Variants in DSC2 observed in about 807,000 individuals in gnomAD.
DSC2 encodes desmocollin-2.
DSC2 carries 51 observed loss-of-function variants against 87.6 expected under a neutral mutation model. The ratio of observed to expected loss-of-function variants is 0.58; its 90% CI spans 0.46 to 0.74. The LOEUF (loss-of-function observed/expected upper bound fraction) is 0.74, where lower values mean the gene tolerates loss of function less well. Among genes scored for constraint, DSC2 ranks in the 30% least tolerant of loss-of-function variants. DSC2 has a pLI of 0.00. For missense variants in DSC2, 1,066 were observed against 1,089.5 expected (o/e 0.98, Z 0.30); for synonymous variants, 383 against 393.2 (o/e 0.97, Z 0.31).
intron 1 of DSC2, among the ~76,000 whole-genome samples, chr18:31,099,006 A>AG (rs1342965330): frequency 6.6e-6 from 1 of 152,202 alleles, no homozygotes; most frequent in African/African-American, 2.4e-5. Context: ...CTTGAGGAAC[A>AG]GGCATATGGT....
At chr18:31,092,070 A>G in intron 3 of DSC2, 31 bp downstream of exon 3, 1 of 1,582,764 alleles carries the variant, frequency 6.3e-7, no homozygotes, top group Non-Finnish European at 8.7e-7. Context: ...AAGAAAAGAT[A>G]TCATTTCTTC....
In DSC2 at chr18:31,067,208, C is replaced by A. The variant is rs1466320446; in HGVS notation, c.*807G>T. 6 of 137,806 alleles carry A rather than the reference C, an allele frequency of 4.4e-5. No homozygotes were observed. Among genetic ancestry groups the A allele is most frequent in the African/African-American group, 8.0e-5 (3 of 37,366 alleles). 8.5% of individuals were successfully genotyped at this position (137,806 alleles called of 1,614,324 possible). A position where few individuals can be genotyped will look rare whatever the true frequency, so the allele number is the denominator to read the frequency against. On this transcript the variant is annotated 3_prime_UTR_variant, in exon 16 of 16. Transcript: ENST00000280904. ...ACTTTATGAGAGAAGAAAAGAGAGACAGATTTTTAAAATATTTGGATTCTT... is the reference window on the plus strand; with the variant it reads ...ACTTTATGAGAGAAGAAAAGAGAGAAAGATTTTTAAAATATTTGGATTCTT...
rs1163887795 is a variant in DSC2, at chr18:31,060,957, T to A, written c.*7058A>T. The A allele has an allele frequency of 6.6e-6, 1 of 152,198 alleles. No individual in the cohort carries two copies. The highest frequency in any genetic ancestry group is 1.5e-5 in the Non-Finnish European group (1 of 68,032). The allele number at this position is 152,198 out of a possible 1,614,324, so 9.4% of individuals were successfully genotyped here. ...AAAAGGCAAATTTTAAATACTTAAG[T>A]TTCATAAACCACCAAATAATCAATA... is the stretch of plus-strand genomic sequence containing the variant. On this transcript the variant is annotated 3_prime_UTR_variant, in exon 16 of 16. Coordinates refer to ENST00000280904, the MANE Select transcript of DSC2 (RefSeq NM_024422.6).
chr18:31,091,673 C>CA (rs1987604004), intron 3 of DSC2: 1 of 453,710 alleles, frequency 2.2e-6, no homozygotes, highest in African/African-American at 2.0e-5. Flanking sequence ...TGTCACAACA[C>CA]AATAGCATGC....
intron 11 of DSC2, among the ~76,000 whole-genome samples, chr18:31,076,798 C>T (rs1417181737): frequency 6.6e-6 from 1 of 152,120 alleles, no homozygotes; most frequent in South Asian, 2.1e-4. Flanking sequence ...ACACATTGTA[C>T]TAACACTGTA....
chr18:31,076,003 C>G (rs1055959719), intron 11 of DSC2, among the ~76,000 whole-genome samples: 2 of 152,148 alleles, frequency 1.3e-5, no homozygotes, highest in East Asian at 1.9e-4. Flanking sequence ...GTTGTGAAGT[C>G]TGAAACTGAA....
At chr18:31,068,646 A>G (rs1165556047) in intron 15 of DSC2, among the ~76,000 whole-genome samples, 1 of 152,244 alleles carries the variant, frequency 6.6e-6, no homozygotes, top group Non-Finnish European at 1.5e-5. Context: ...GCACAAAGCC[A>G]TGAGACAGTA....
chr18:31,096,511 A>G (rs899347502), intron 1 of DSC2, among the ~76,000 whole-genome samples: 1 of 152,196 alleles, frequency 6.6e-6, no homozygotes, highest in Non-Finnish European at 1.5e-5. Flanking sequence ...TTGAGCCACA[A>G]GTAAACTGGC....
chr18:31,092,380 G>T, intron 2 of DSC2, 80 bp from the exon 3 acceptor site: 1 of 1,281,752 alleles, frequency 7.8e-7, no homozygotes. Flanking sequence ...CACGTGGGGA[G>T]AGCCAAAAAC....
At position 31,086,613 on chromosome 18, in the gene DSC2, C is replaced by T; in HGVS notation, c.905G>A (p.Gly302Asp). 1 of 1,614,104 alleles carries T rather than the reference C, an allele frequency of 6.2e-7. No individual in the cohort carries two copies. Among genetic ancestry groups the T allele is most frequent in the Non-Finnish European group, 8.5e-7 (1 of 1,180,002 alleles). Residue 302 changes from glycine (G) to aspartate (D), a missense_variant, in exon 7 of 16, where the codon GGC becomes GAC. By Grantham distance (94) the Gly-to-Asp change is moderately conservative. Transcript: ENST00000280904. ...CTGAGATGATGTTGTGGTGATCACG[C>T]CTGTAGTTGGATGCATAGAAAATAG... The part of the protein sequence containing the change: ...PTLFSMHPTT[G>D]VITTTSSQLD...
intron 4 of DSC2, among the ~76,000 whole-genome samples, chr18:31,090,722 A>G (rs2144842103): frequency 6.6e-6 from 1 of 152,266 alleles, no homozygotes; most frequent in African/African-American, 2.4e-5. Flanking sequence ...TTTCTCCTTT[A>G]TTATGCAAGA....
intron 11 of DSC2, among the ~76,000 whole-genome samples, chr18:31,078,903 C>T (rs1987108804): frequency 1.3e-5 from 2 of 152,100 alleles, no homozygotes; most frequent in Non-Finnish European, 2.9e-5. Flanking sequence ...TCATCATACT[C>T]ATATTTCTCT....
rs1223425610 is a variant in DSC2, at chr18:31,089,669, T to A, written c.475-75A>T. The A allele has an allele frequency of 2.1e-6, 3 of 1,410,810 alleles. No homozygotes were observed. The East Asian group carries it at 7.4e-5, about 35-fold the overall frequency. 87.4% of individuals were successfully genotyped at this position (1,410,810 alleles called of 1,614,324 possible). On this transcript the variant is annotated intron_variant, in intron 4 of 15. Coordinates refer to ENST00000280904, the MANE Select transcript of DSC2 (RefSeq NM_024422.6). The stretch of plus-strand genomic sequence containing the variant: ...CTTTCATCTATATATTTATGAAATC[T>A]CATTGCCATTTTATTAGTTTAAATA...
At chr18:31,080,932 G>A (rs977673345) in intron 9 of DSC2, among the ~76,000 whole-genome samples, 6 of 151,102 alleles carry the variant, frequency 4.0e-5, no homozygotes, top group Non-Finnish European at 8.9e-5. Context: ...CTTGGGTAAA[G>A]CTGGAAAAAA....
intron 15 of DSC2, chr18:31,068,420 G>A: frequency 6.9e-7 from 1 of 1,451,508 alleles, no homozygotes; most frequent in Admixed American, 1.7e-5. Context: ...GTTTCTAAAA[G>A]TCACGCATGT....
At chr18:31,074,079 G>A (rs866413239) in intron 12 of DSC2, among the ~76,000 whole-genome samples, 4 of 152,198 alleles carry the variant, frequency 2.6e-5, no homozygotes, top group Non-Finnish European at 5.9e-5. Context: ...AGAGAGAATA[G>A]GGGATCGATT....
intron 2 of DSC2, 54 bp downstream of exon 2, chr18:31,093,505 C>T (rs1233008361): frequency 5.8e-6 from 8 of 1,370,404 alleles, no homozygotes; most frequent in Middle Eastern, 1.9e-4. Context: ...TATTCCATGG[C>T]GTATATGTAC....
At position 31,070,803 on chromosome 18, in the gene DSC2, G is replaced by T; in HGVS notation, c.2173C>A (p.Pro725Thr). The change falls in exon 14 of 16, where the codon CCA becomes ACA. Residue 725 changes from proline (P) to threonine (T), a missense_variant. Coordinates refer to ENST00000280904, the MANE Select transcript of DSC2 (RefSeq NM_024422.6). ...GCTAAATCATCAGGAATTACTTTTGGTTGTTTAGACGTCCCAGAAGCCCCA... is the reference window on the plus strand; with the variant it reads ...GCTAAATCATCAGGAATTACTTTTGTTTGTTTAGACGTCCCAGAAGCCCCA... The part of the protein sequence containing the change: ...VCGASGTSKQ[P>T]KVIPDDLAQQ... 6.2e-7 allele frequency: 1 copy of T among 1,613,934 alleles called. No individual in the cohort carries two copies. The highest frequency in any genetic ancestry group is 1.1e-5 in the South Asian group (1 of 91,080).
rs1986546096 is a variant in DSC2, at chr18:31,063,643, T to C, written c.*4372A>G. The C allele has an allele frequency of 6.6e-6, 1 of 152,142 alleles. No homozygotes were observed. Among genetic ancestry groups the C allele is most frequent in the South Asian group, 2.1e-4 (1 of 4,826 alleles). 9.4% of individuals were successfully genotyped at this position (152,142 alleles called of 1,614,324 possible). A position where few individuals can be genotyped will look rare whatever the true frequency, so the allele number is the denominator to read the frequency against. On this transcript the variant is annotated 3_prime_UTR_variant, in exon 16 of 16. Coordinates refer to ENST00000280904, the MANE Select transcript of DSC2 (RefSeq NM_024422.6). ...AGATTGGGGAAATTAGTACAGAAGG[T>C]CCTCAACTTAAGATGGCTCGATCTG...
Sources: gnomAD v4.1 joint callset for allele counts (sites outside exome capture counted in the v4.1 genomes callset) on GRCh38, gnomAD v4.1.1 for gene constraint, MANE v1.5 for transcripts, NCBI Gene and HGNC (gene_info 2026-07-23, HGNC 2026-07-21) for gene names.